KIAA0408: variants seen among roughly 807,000 people sequenced by gnomAD.
KIAA0408 encodes KIAA0408.
Under a neutral mutation model 60.9 loss-of-function variants are expected in KIAA0408, and 51 were observed. The ratio of observed to expected loss-of-function variants is 0.84; its 90% CI spans 0.67 to 1.06. The LOEUF (loss-of-function observed/expected upper bound fraction) is 1.06. KIAA0408 is among the 50% of genes least tolerant of loss of function. KIAA0408 has a pLI of 0.00. For synonymous variants in KIAA0408, 304 were observed against 282.4 expected, an observed-to-expected ratio of 1.08 and a Z score of -0.77; for missense variants, 787 against 833.9, an observed-to-expected ratio of 0.94 and a Z score of 0.69.
At position 127,446,674 on chromosome 6, in the gene KIAA0408, C is replaced by G; in HGVS notation, c.1645G>C (p.Gly549Arg). 6.2e-7 allele frequency: 1 copy of G among 1,613,982 alleles called. No homozygotes were observed. Among genetic ancestry groups the G allele is most frequent in the Non-Finnish European group, 8.5e-7 (1 of 1,180,006 alleles). Residue 549 changes from glycine to arginine, a missense_variant, in exon 5 of 6, where the codon GGC becomes CGC. Coordinates refer to ENST00000483725, the MANE Select transcript of KIAA0408 (RefSeq NM_014702.5). ...CTGGGATCAGCTGACCTCGGACGGC[C>G]AGACAAATTACTCGGTCTCCAGTCA... ...EHDWRPSNLS[G>R]RPRSADPRSN...
At chr6:127,451,267 C>A (rs576636055) in intron 2 of KIAA0408, 38 of 454,348 alleles carry the variant, frequency 8.4e-5, no homozygotes, top group South Asian at 5.5e-4. Context: ...AGATTTATTG[C>A]TGCTTAATAC....
In KIAA0408 at chr6:127,440,121, T is replaced by C. The variant is rs1773080840; in HGVS notation, c.*3988A>G. On this transcript the variant is annotated 3_prime_UTR_variant, in exon 6 of 6. Transcript: ENST00000483725. ...TACTATCATTGAAATGTGTATCAGATTTTAAGTATCATGATTTTATTCCCA... is the reference window on the plus strand; with the variant it reads ...TACTATCATTGAAATGTGTATCAGACTTTAAGTATCATGATTTTATTCCCA... The C allele has an allele frequency of 6.6e-6, 1 of 152,194 alleles. No homozygotes were observed. The highest frequency in any genetic ancestry group is 1.5e-5 in the Non-Finnish European group (1 of 68,032). The allele number at this position is 152,194 out of a possible 1,614,324, so 9.4% of individuals were successfully genotyped here.
At position 127,447,409 on chromosome 6, in the gene KIAA0408, G is replaced by T; in HGVS notation, c.910C>A (p.Arg304=). ...DHNSWVPHEG[R]SKRNYNPHFP... is the part of the protein sequence containing the mutation. ...TGAGGGTTGTAATTCCTTTTACTTC[G>T]ACCCTCATGGGGCACCCAGCTGTTG... The change falls in exon 5 of 6, where the codon CGA becomes AGA. Residue 304 remains arginine (R), a synonymous_variant. Transcript: ENST00000483725. 2 of 1,613,342 alleles carry T rather than the reference G, an allele frequency of 1.2e-6. No individual in the cohort carries two copies. Among genetic ancestry groups the T allele is most frequent in the Middle Eastern group, 1.7e-4 (1 of 6,048 alleles).
intron 5 of KIAA0408, among the ~76,000 whole-genome samples, chr6:127,445,280 C>G (rs1220302632): frequency 2.0e-5 from 3 of 152,154 alleles, no homozygotes; most frequent in Non-Finnish European, 2.9e-5. Context: ...AGGGAAATCA[C>G]TCAGTATTAT....
Position 127,446,449 on chromosome 6 carries a change from GTCCC to G in KIAA0408, c.1866_1869del (p.Gly623ArgfsTer3), listed in dbSNP as rs745979998. The G allele has an allele frequency of 6.2e-7, 1 of 1,612,674 alleles. No homozygotes were observed. Among genetic ancestry groups the G allele is most frequent in the Admixed American group, 1.7e-5 (1 of 59,984 alleles). Reference sequence around the variant, plus strand: ...GGATCTATTCCTTGCTTCACTTCCTGTCCCCCCCACACAGCTGTCTTTTGCTGAA... The same window carrying G: ...GGATCTATTCCTTGCTTCACTTCCTGCCCCACACAGCTGTCTTTTGCTGAA... On this transcript the variant is annotated frameshift_variant, in exon 5 of 6. Transcript: ENST00000483725. LOFTEE classifies it high-confidence loss of function.
In KIAA0408 at chr6:127,446,697, T is replaced by C; in HGVS notation, c.1622A>G (p.Asp541Gly). Residue 541 changes from aspartate (D) to glycine (G), a missense_variant, in exon 5 of 6, where the codon GAC (aspartate) becomes GGC (glycine). Asp to Gly is a moderately conservative substitution (Grantham distance 94). Around this residue, in one of 3 missense-constraint regions of KIAA0408, gnomAD observed 640 missense variants for 681.3 expected, o/e 0.94. Coordinates refer to ENST00000483725, the MANE Select transcript of KIAA0408 (RefSeq NM_014702.5). The part of the protein sequence containing the change: ...RSYRNMLHEH[D>G]WRPSNLSGRP... ...GCCAGACAAATTACTCGGTCTCCAGTCATGCTCGTGGAGCATATTTCGATA... is the reference window on the plus strand; with the variant it reads ...GCCAGACAAATTACTCGGTCTCCAGCCATGCTCGTGGAGCATATTTCGATA... 6.2e-7 allele frequency: 1 copy of C among 1,614,012 alleles called. No individual in the cohort carries two copies. The highest frequency in any genetic ancestry group is 8.5e-7 in the Non-Finnish European group (1 of 1,180,016).
intron 1 of KIAA0408, among the ~76,000 whole-genome samples, chr6:127,457,656 T>A (rs1275964969): frequency 6.6e-6 from 1 of 152,254 alleles, no homozygotes; most frequent in African/African-American, 2.4e-5. Flanking sequence ...GTGAGTGGGT[T>A]GCATAAGTAT....
Position 127,453,848 on chromosome 6 carries a change from T to C in KIAA0408, c.134A>G (p.Glu45Gly). The C allele has an allele frequency of 6.2e-7, 1 of 1,611,870 alleles. No individual in the cohort carries two copies. Among genetic ancestry groups the C allele is most frequent in the Non-Finnish European group, 8.5e-7 (1 of 1,178,740 alleles). Residue 45 changes from glutamate to glycine, a missense_variant and splice_region_variant, in exon 2 of 6, where the codon GAG becomes GGG. Physicochemically the swap from Glu to Gly is moderately conservative, Grantham distance 98. Transcript: ENST00000483725. ...TATCCAAAACAAATTAAAGTGTACC[T>C]CTTCTATTTTCTTCTGCATAATCTT... ...QWKIMQKKIE[E>G]LCREVKLWRK... is the part of the protein sequence containing the mutation.
rs768317819 is a variant in KIAA0408, at chr6:127,447,547, C to T, written c.772G>A (p.Asp258Asn). The T allele has an allele frequency of 1.6e-5, 25 of 1,610,586 alleles. No individual in the cohort carries two copies. Among genetic ancestry groups the T allele is most frequent in the South Asian group, 4.4e-5 (4 of 90,226 alleles). ...GGTGGAGTTTCATTTCTTTTTAAAT[C>T]GATTGTATCAATTCCACATTTTTTC... ...STKKCGIDTI[D>N]LKRNETPPVP... Residue 258 changes from aspartate to asparagine, a missense_variant, in exon 5 of 6, where the codon GAT becomes AAT. Asp to Asn is a conservative substitution (Grantham distance 23). Around this residue, in one of 3 missense-constraint regions of KIAA0408, gnomAD observed 640 missense variants for 681.3 expected, o/e 0.94. Transcript: ENST00000483725.
chr6:127,449,721 A>G (rs1773265993), intron 4 of KIAA0408, 101 bp downstream of exon 4: 1 of 1,453,746 alleles, frequency 6.9e-7, no homozygotes, highest in Non-Finnish European at 9.4e-7. Context: ...TTAATAACTC[A>G]TTAGTTCTTA....
At position 127,443,986 on chromosome 6, in the gene KIAA0408, T is replaced by C; in HGVS notation, c.*123A>G. 1 of 819,080 alleles carries C rather than the reference T, an allele frequency of 1.2e-6. No individual in the cohort carries two copies. The highest frequency in any genetic ancestry group is 1.8e-5 in the South Asian group (1 of 55,216). The allele number at this position is 819,080 out of a possible 1,614,324, so 50.7% of individuals were successfully genotyped here. A position where few individuals can be genotyped will look rare whatever the true frequency, so the allele number is the denominator to read the frequency against. ...TCCTTAGATTAAAAACACTGAAGAC[T>C]GATGGAAAGTTAAGATTCAAATTGC... is the stretch of plus-strand genomic sequence containing the variant. On this transcript the variant is annotated 3_prime_UTR_variant, in exon 6 of 6. Transcript: ENST00000483725.
rs779822528 is a variant in KIAA0408, at chr6:127,446,718, C to T, written c.1601G>A (p.Arg534Gln). The T allele has an allele frequency of 3.7e-6, 6 of 1,613,778 alleles. No homozygotes were observed. In the African/African-American group the frequency reaches 6.7e-5, roughly 18 times the overall value. Reference sequence around the variant, plus strand: ...CCAGTCATGCTCGTGGAGCATATTTCGATAACTGCGAGGACTTAGGTGTCC... The same window carrying T: ...CCAGTCATGCTCGTGGAGCATATTTTGATAACTGCGAGGACTTAGGTGTCC... ...MQGHLSPRSY[R>Q]NMLHEHDWRP... The change falls in exon 5 of 6, where the codon CGA becomes CAA. Residue 534 changes from arginine to glutamine, a missense_variant. Physicochemically the swap from Arg to Gln is conservative, Grantham distance 43. Around this residue, in one of 3 missense-constraint regions of KIAA0408, gnomAD observed 640 missense variants for 681.3 expected, o/e 0.94. Transcript: ENST00000483725.
chr6:127,450,752 G>C (rs1773288707), intron 2 of KIAA0408: 1 of 171,436 alleles, frequency 5.8e-6, no homozygotes. Flanking sequence ...CAAATGTCTG[G>C]TCCTACTTGT....
rs1202723325 is a variant in KIAA0408, at chr6:127,444,037, G to C, written c.*72C>G. 6.9e-7 allele frequency: 1 copy of C among 1,455,868 alleles called. No homozygotes were observed. The highest frequency in any genetic ancestry group is 9.6e-7 in the Non-Finnish European group (1 of 1,044,920). 90.2% of individuals were successfully genotyped at this position (1,455,868 alleles called of 1,614,324 possible). On this transcript the variant is annotated 3_prime_UTR_variant, in exon 6 of 6. Transcript: ENST00000483725. ...TTGTCGGAAGAGAACAGGTCCGCCT[G>C]TAAACACTCAGAATGCTCTGTTTGA...
rs1773222067 is a variant in KIAA0408, at chr6:127,447,477, T to C, written c.842A>G (p.Asp281Gly). 1 of 1,613,896 alleles carries C rather than the reference T, an allele frequency of 6.2e-7. No homozygotes were observed. Among genetic ancestry groups the C allele is most frequent in the Non-Finnish European group, 8.5e-7 (1 of 1,179,940 alleles). ...RSTSRNFPSS[D>G]SEQAYERWKE... ...CCATCTTTCATAGGCTTGTTCAGAA[T>C]CCGAGCTGGGAAAATTTCGAGAGGT... Residue 281 changes from aspartate to glycine, a missense_variant, in exon 5 of 6, where the codon GAT becomes GGT. Asp to Gly is a moderately conservative substitution (Grantham distance 94, BLOSUM62 -1). Transcript: ENST00000483725.
At chr6:127,455,173 C>T (rs1396273644) in intron 1 of KIAA0408, among the ~76,000 whole-genome samples, 1 of 152,044 alleles carries the variant, frequency 6.6e-6, no homozygotes, top group African/African-American at 2.4e-5. Context: ...GGTAGAAAAG[C>T]ATGTTTAAAA....
rs1230830434 is a variant in KIAA0408 at position 127,441,099 on chromosome 6, A to C, written c.*3010T>G. Reference sequence around the variant, plus strand: ...CTTCTAATGGCTGAAGGAGATTTCAATATCAAGTAGTTGTTTGTCACAAAT... The same window carrying C: ...CTTCTAATGGCTGAAGGAGATTTCACTATCAAGTAGTTGTTTGTCACAAAT... On this transcript the variant is annotated 3_prime_UTR_variant, in exon 6 of 6. Coordinates refer to ENST00000483725, the MANE Select transcript of KIAA0408 (RefSeq NM_014702.5). 6.6e-6 allele frequency: 1 copy of C among 152,248 alleles called. No homozygotes were observed. The highest frequency in any genetic ancestry group is 1.5e-5 in the Non-Finnish European group (1 of 68,046). 9.4% of individuals were successfully genotyped at this position (152,248 alleles called of 1,614,324 possible).
intron 4 of KIAA0408, 68 bp from the exon 5 acceptor site, chr6:127,447,808 T>C (rs779904639): frequency 6.9e-7 from 1 of 1,459,594 alleles, no homozygotes; most frequent in African/African-American, 1.4e-5. Context: ...AAAGCAAACA[T>C]AGCTAAAGCA....
At chr6:127,451,302 G>A (rs1465711836) in intron 2 of KIAA0408, 5 of 455,642 alleles carry the variant, frequency 1.1e-5, no homozygotes, top group Non-Finnish European at 2.2e-5. Flanking sequence ...GTTGAGAGAA[G>A]CACTAGAGTT....
Sources: allele counts gnomAD v4.1 joint callset (sites outside exome capture counted in the v4.1 genomes callset), GRCh38; gene constraint gnomAD v4.1.1; regional missense constraint gnomAD v4.1.1; transcripts MANE v1.5; gene names NCBI Gene and HGNC (gene_info 2026-07-23, HGNC 2026-07-21).